The following GSE1 variants were observed in gnomAD, a reference collection of about 807,000 sequenced individuals.
The protein encoded by GSE1 is Gse1 coiled-coil protein.
GSE1 carries 32 observed loss-of-function variants against 112.6 expected under a neutral mutation model. That is an observed-to-expected ratio of 0.28 (90% CI 0.21 to 0.38). The LOEUF (loss-of-function observed/expected upper bound fraction) is 0.38, where lower values mean the gene tolerates loss of function less well. Among genes scored for constraint, GSE1 ranks in the 10% least tolerant of loss-of-function variants. GSE1 has a pLI of 1.00. For synonymous variants in GSE1, 1,115 were observed against 735.6 expected, an observed-to-expected ratio of 1.52 and a Z score of -8.35; for missense variants, 2,348 against 1,699.2, an observed-to-expected ratio of 1.38 and a Z score of -6.71.
intron 1 of GSE1, among the ~76,000 whole-genome samples, chr16:85,619,994 CCT>C (rs1231732215): frequency 6.6e-6 from 1 of 152,162 alleles, no homozygotes; most frequent in Non-Finnish European, 1.5e-5. Context: ...TTCGGAAGGC[CCT>C]GTTTAACCTG....
At chr16:85,583,123 T>G (rs1245803839) in intron 1 of GSE1, among the ~76,000 whole-genome samples, 1 of 152,072 alleles carries the variant, frequency 6.6e-6, no homozygotes, top group African/African-American at 2.4e-5. Context: ...GGTCTCCCGC[T>G]GGAATTCTGG....
At chr16:85,498,921 G>A (rs577244304) in intron 2 of GSE1, among the ~76,000 whole-genome samples, 26 of 152,376 alleles carry the variant, frequency 1.7e-4, no homozygotes, top group South Asian at 8.3e-4. Flanking sequence ...GGCCGTGAGC[G>A]GCATTGCACA....
rs538397439 is a variant in GSE1, at chr16:85,539,909, C to T, written c.2465-94005C>T. 2.0e-5 allele frequency among the ~76,000 whole-genome samples: 3 copies of T among 152,320 alleles called. No homozygotes were observed. In the South Asian group the frequency reaches 6.2e-4, roughly 32 times the overall value. ...GGGAACAAAGGAGAGTCCTGGCCCT[C>T]GTGGGGCCTGTGACCTGGTGAGAGG... On this transcript the variant is annotated intron_variant, in intron 2 of 2. Transcript: ENST00000637419.
At chr16:85,588,585 G>A (rs775813906) in intron 1 of GSE1, among the ~76,000 whole-genome samples, 52 of 152,328 alleles carry the variant, frequency 3.4e-4, no homozygotes, top group Non-Finnish European at 5.9e-4. Context: ...AAAACCGGGG[G>A]CTTCTTTATT....
chr16:85,396,304 T>C (rs900768), intron 2 of GSE1, among the ~76,000 whole-genome samples: 128,405 of 152,270 alleles, frequency 0.84, 54,808 homozygotes, highest in East Asian at 0.99. Context: ...TGGGAGTGGG[T>C]GGCCGTGTTG....
intron 2 of GSE1, among the ~76,000 whole-genome samples, chr16:85,538,171 G>A (rs2044397439): frequency 1.3e-5 from 2 of 152,354 alleles, no homozygotes; most frequent in South Asian, 2.1e-4. Context: ...AGCCGTTGCC[G>A]GGCCACCCTA....
intron 2 of GSE1, among the ~76,000 whole-genome samples, chr16:85,366,116 C>CG (rs2047180342): frequency 6.6e-6 from 1 of 152,270 alleles, no homozygotes; most frequent in South Asian, 2.1e-4. Flanking sequence ...CCTCCACCGC[C>CG]GGGAAGGCGG....
At chr16:85,362,609 G>A (rs1022880720) in intron 2 of GSE1, among the ~76,000 whole-genome samples, 4 of 152,204 alleles carry the variant, frequency 2.6e-5, no homozygotes, top group African/African-American at 7.2e-5. Context: ...GACATTGGAT[G>A]AACATTGAGA....
At chr16:85,364,097 C>T (rs776729484) in intron 2 of GSE1, among the ~76,000 whole-genome samples, 13 of 152,216 alleles carry the variant, frequency 8.5e-5, no homozygotes, top group Non-Finnish European at 1.5e-4. Context: ...GCAAAAATCC[C>T]GATGTGGGCA....
intron 1 of GSE1, among the ~76,000 whole-genome samples, chr16:85,336,624 T>G (rs2326525): frequency 2.7e-5 from 4 of 150,654 alleles, no homozygotes; most frequent in African/African-American, 2.5e-5. Context: ...TTTTTCGAGT[T>G]GAAGTCTCAC....
chr16:85,666,628 C>G (rs956140814), intron 13 of GSE1: 3 of 441,428 alleles, frequency 6.8e-6, no homozygotes, highest in Non-Finnish European at 1.2e-5. Context: ...AAGGAGTGAA[C>G]GCCGACAGGC....
chr16:85,336,228 C>G lies in GSE1; in HGVS notation c.2284-21235C>G, dbSNP rs1156600933. 2.6e-5 allele frequency among the ~76,000 whole-genome samples: 4 copies of G among 152,212 alleles called. No homozygotes were observed. The South Asian group carries it at 8.3e-4, about 32-fold the overall frequency. On this transcript the variant is annotated intron_variant, in intron 1 of 2. Transcript: ENST00000637419. The stretch of plus-strand genomic sequence containing the variant: ...CTTCCATTAGCCCTCCTGACATGCG[C>G]CACTCCAGCAGTGTTTGGGGATTGG...
At chr16:85,362,756 C>T (rs988713567) in intron 2 of GSE1, among the ~76,000 whole-genome samples, 1 of 151,938 alleles carries the variant, frequency 6.6e-6, no homozygotes. Flanking sequence ...TCAGTGGTGG[C>T]CCTGGAGTAG....
intron 1 of GSE1, among the ~76,000 whole-genome samples, chr16:85,198,228 A>G (rs962152590): frequency 6.6e-6 from 1 of 152,184 alleles, no homozygotes; most frequent in Non-Finnish European, 1.5e-5. Flanking sequence ...GCTCCCAACC[A>G]TGGGGACCAG....
intron 2 of GSE1, among the ~76,000 whole-genome samples, chr16:85,409,856 ACTGTTACACTCAGGGCCC>A: frequency 2.7e-4 from 3 of 11,040 alleles, no homozygotes; most frequent in Admixed American, 3.3e-3. Flanking sequence ...GATAATCCTC[ACTGTTACACTCAGGGCCC>A]CCTGGATAAT....
intron 1 of GSE1, among the ~76,000 whole-genome samples, chr16:85,587,843 C>T (rs1433225918): frequency 3.3e-5 from 5 of 152,182 alleles, no homozygotes; most frequent in African/African-American, 4.8e-5. Flanking sequence ...CCCTTGGGCC[C>T]CCTCCCCCAG....
intron 1 of GSE1, among the ~76,000 whole-genome samples, chr16:85,187,848 T>G (rs1324853124): frequency 6.6e-6 from 1 of 152,162 alleles, no homozygotes; most frequent in African/African-American, 2.4e-5. Flanking sequence ...CTGTGGTTAT[T>G]TAGGGGCAGA....
intron 2 of GSE1, chr16:85,357,747 G>C (rs1405988985): frequency 1.5e-6 from 1 of 665,658 alleles, no homozygotes; most frequent in Admixed American, 2.9e-5. Context: ...GTTCCGCCTT[G>C]TGTCCTCGGC....
At chr16:85,291,471 C>T (rs2045208486) in intron 1 of GSE1, among the ~76,000 whole-genome samples, 1 of 152,242 alleles carries the variant, frequency 6.6e-6, no homozygotes, top group Non-Finnish European at 1.5e-5. Context: ...CCTCCCCAGC[C>T]TCCTCCCCCG....
Sources: allele counts gnomAD v4.1 joint callset (sites outside exome capture counted in the v4.1 genomes callset), GRCh38; gene constraint gnomAD v4.1.1; transcripts MANE v1.5; gene names NCBI Gene and HGNC (gene_info 2026-07-23, HGNC 2026-07-21).